The following SPAG17 variants were observed in gnomAD, a reference collection of about 807,000 sequenced individuals.
The protein encoded by SPAG17 is sperm-associated antigen 17.
Under a neutral mutation model 273.6 loss-of-function variants are expected in SPAG17, and 169 were observed. The observed-to-expected ratio is 0.62, with a 90% CI of 0.55 to 0.70. The LOEUF (loss-of-function observed/expected upper bound fraction) is 0.70, where lower values mean the gene tolerates loss of function less well. Ranked by LOEUF, SPAG17 falls within the 30% of genes least tolerant of loss-of-function variation. SPAG17 has a pLI of 0.00. For missense variants in SPAG17, 2,557 were observed against 2,627.8 expected, an observed-to-expected ratio of 0.97 and a Z score of 0.59; for synonymous variants, 825 against 873.2, an observed-to-expected ratio of 0.94 and a Z score of 0.97.
At chr1:118,007,118 G>T (rs1427360273) in intron 31 of SPAG17, among the ~76,000 whole-genome samples, 1 of 151,948 alleles carries the variant, frequency 6.6e-6, no homozygotes, top group African/African-American at 2.4e-5. Context: ...TTTTGGTAAA[G>T]CTTGTATGTT....
chr1:118,103,959 T>C (rs1243299326), intron 4 of SPAG17, among the ~76,000 whole-genome samples: 1 of 151,402 alleles, frequency 6.6e-6, no homozygotes, highest in Non-Finnish European at 1.5e-5. Context: ...AGGTGCAGAG[T>C]AGCCCAAGAT....
intron 3 of SPAG17, among the ~76,000 whole-genome samples, chr1:118,137,245 C>G (rs770856202): frequency 5.9e-5 from 9 of 152,086 alleles, no homozygotes; most frequent in Non-Finnish European, 1.0e-4. Flanking sequence ...AATAATAATT[C>G]AAAATAATGA....
chr1:118,048,706 G>C (rs1458090477), intron 20 of SPAG17, among the ~76,000 whole-genome samples: 1 of 152,030 alleles, frequency 6.6e-6, no homozygotes, highest in Non-Finnish European at 1.5e-5. Flanking sequence ...GACCAGCCTA[G>C]CCAATATGGT....
chr1:118,020,851 A>C (rs1008619407), intron 28 of SPAG17, among the ~76,000 whole-genome samples: 1 of 152,192 alleles, frequency 6.6e-6, no homozygotes, highest in Non-Finnish European at 1.5e-5. Context: ...AAAGAATAGT[A>C]ATAATTTATA....
intron 3 of SPAG17, among the ~76,000 whole-genome samples, chr1:118,136,089 C>A (rs777265997): frequency 4.0e-4 from 61 of 152,140 alleles, no homozygotes; most frequent in Non-Finnish European, 8.2e-4. Flanking sequence ...TTGGTGGGAT[C>A]AAAATTTGAC....
chr1:118,071,402 C>G (rs929049655), intron 17 of SPAG17, among the ~76,000 whole-genome samples: 2 of 152,062 alleles, frequency 1.3e-5, no homozygotes, highest in African/African-American at 2.4e-5. Context: ...GTAATGCCGG[C>G]ACTTTGGGAG....
chr1:118,141,588 A>T (rs940506925), intron 3 of SPAG17, among the ~76,000 whole-genome samples: 1 of 152,212 alleles, frequency 6.6e-6, no homozygotes, highest in Non-Finnish European at 1.5e-5. Flanking sequence ...CCAGGTGTAG[A>T]GCAAGCTCTA....
intron 13 of SPAG17, among the ~76,000 whole-genome samples, chr1:118,082,805 G>A (rs1452372273): frequency 6.6e-6 from 1 of 152,182 alleles, no homozygotes; most frequent in Non-Finnish European, 1.5e-5. Flanking sequence ...GAAGGAAGTA[G>A]GGGAGCAAGC....
chr1:118,161,602 A>G (rs1570804594), intron 1 of SPAG17, among the ~76,000 whole-genome samples: 1 of 151,832 alleles, frequency 6.6e-6, no homozygotes, highest in South Asian at 2.1e-4. Context: ...CTGTGGCAGG[A>G]TCTCGGCACA....
intron 3 of SPAG17, among the ~76,000 whole-genome samples, chr1:118,130,359 T>G (rs561349732): frequency 6.6e-6 from 1 of 152,234 alleles, no homozygotes; most frequent in South Asian, 2.1e-4. Flanking sequence ...TTGGGCCTAG[T>G]AGTATGACAT....
chr1:117,975,830 A>G (rs1655071230), intron 43 of SPAG17, among the ~76,000 whole-genome samples: 1 of 152,184 alleles, frequency 6.6e-6, no homozygotes, highest in South Asian at 2.1e-4. Context: ...TCCTTGCCGT[A>G]TGTGTACTAC....
At chr1:118,143,444 T>G (rs1171574068) in intron 3 of SPAG17, among the ~76,000 whole-genome samples, 1 of 151,928 alleles carries the variant, frequency 6.6e-6, no homozygotes, top group East Asian at 1.9e-4. Flanking sequence ...ACACCTATAA[T>G]CCCAGTAATT....
At chr1:118,106,032 ACTCC>A (rs1475343181) in intron 4 of SPAG17, among the ~76,000 whole-genome samples, 3 of 151,894 alleles carry the variant, frequency 2.0e-5, no homozygotes, top group Admixed American at 2.0e-4. Context: ...CTTTAAACTA[ACTCC>A]CTAGTTAAGA....
At chr1:118,088,125 C>G (rs1655129633) in intron 10 of SPAG17, among the ~76,000 whole-genome samples, 1 of 152,204 alleles carries the variant, frequency 6.6e-6, no homozygotes, top group Non-Finnish European at 1.5e-5. Flanking sequence ...CCACTTCAAT[C>G]ATAAAAGATC....
intron 27 of SPAG17, among the ~76,000 whole-genome samples, chr1:118,024,078 A>G (rs538114595): frequency 5.9e-5 from 9 of 152,176 alleles, no homozygotes; most frequent in Admixed American, 2.6e-4. Flanking sequence ...CTAAAATTGC[A>G]TGATGGCATA....
At position 117,966,661 on chromosome 1, in the gene SPAG17, G is replaced by T. The variant is rs61729969; in HGVS notation, c.6480C>A (p.His2160Gln). 0.018 allele frequency: 28,358 copies of T among 1,613,544 alleles called. 978 individuals are homozygous for T. Among genetic ancestry groups the T allele is most frequent in the South Asian group, 0.12 (10,577 of 90,878 alleles). Residue 2160 changes from histidine to glutamine, a missense_variant, in exon 47 of 49, where the codon CAC (histidine) becomes CAA (glutamine). Coordinates refer to ENST00000336338, the MANE Select transcript of SPAG17 (RefSeq NM_206996.4). ...DGAKGSAHIS[H>Q]NIEIMTEHEV... ...CATGCTCTGTCATAATCTCGATATT[G>T]TGAGAGATGTGTGCTGATCCCTTGG...
intron 4 of SPAG17, among the ~76,000 whole-genome samples, chr1:118,112,371 A>G (rs192335469): frequency 6.6e-6 from 1 of 152,208 alleles, no homozygotes; most frequent in Admixed American, 6.5e-5. Flanking sequence ...TGTTCAGTAC[A>G]TTGCTTTTGT....
At chr1:118,100,552 C>T (rs902878419) in intron 5 of SPAG17, among the ~76,000 whole-genome samples, 4 of 152,166 alleles carry the variant, frequency 2.6e-5, no homozygotes, top group Admixed American at 2.0e-4. Context: ...AATAGTGCAA[C>T]AGAGGCACAA....
chr1:118,156,847 G>A (rs2102362403), intron 1 of SPAG17, among the ~76,000 whole-genome samples: 1 of 151,882 alleles, frequency 6.6e-6, no homozygotes, highest in African/African-American at 2.4e-5. Flanking sequence ...TTGATTTATG[G>A]TGGAAGAATA....
Sources: gnomAD v4.1 joint callset for allele counts (sites outside exome capture counted in the v4.1 genomes callset) on GRCh38, gnomAD v4.1.1 for gene constraint, MANE v1.5 for transcripts, NCBI Gene and HGNC (gene_info 2026-07-23, HGNC 2026-07-21) for gene names.